DIDO1: variants seen among roughly 807,000 people sequenced by gnomAD.
The protein encoded by DIDO1 is death-inducer obliterator 1.
A neutral mutation model predicts 99.4 loss-of-function variants in DIDO1; 16 were observed. That is an observed-to-expected ratio of 0.16 (90% CI 0.11 to 0.24). The LOEUF is 0.24. Among genes scored for constraint, DIDO1 ranks in the 10% least tolerant of loss-of-function variants. The pLI is 1.00. For synonymous variants in DIDO1, 1,366 were observed against 1,239.1 expected, an observed-to-expected ratio of 1.10 and a Z score of -2.15; for missense variants, 2,996 against 3,014.0, an observed-to-expected ratio of 0.99 and a Z score of 0.14.
chr20:62,894,341 G>A lies in DIDO1; in HGVS notation c.2572+72C>T, dbSNP rs2147403712. On this transcript the variant is annotated intron_variant, in intron 11 of 15. Transcript: ENST00000395343. This position sits in a 1 kb window ranked among gnomAD's most constrained non-coding sequence, Gnocchi z 4.4. Reference sequence around the variant, plus strand: ...TAAGCTTACGTGCGGTTGCTTTTAGGAGGTTCAGTGATTTTTAACAAAATC... The same window carrying A: ...TAAGCTTACGTGCGGTTGCTTTTAGAAGGTTCAGTGATTTTTAACAAAATC... The A allele has an allele frequency of 6.3e-7, 1 of 1,591,796 alleles. No individual in the cohort carries two copies.
At chr20:62,887,209 A>T in intron 15 of DIDO1, 1 of 985,454 alleles carries the variant, frequency 1.0e-6, no homozygotes, top group Non-Finnish European at 1.2e-6. Flanking sequence ...ACAAACAAGG[A>T]CCAGTTTCCA....
chr20:62,892,179 T>C, intron 13 of DIDO1, 103 bp from the exon 14 acceptor site: 1 of 935,068 alleles, frequency 1.1e-6, no homozygotes, highest in Non-Finnish European at 1.6e-6. Context: ...TCAAGAAGAC[T>C]ACAGCTATTC....
At chr20:62,925,612 C>T (rs563901042) in intron 1 of DIDO1, among the ~76,000 whole-genome samples, 26 of 152,298 alleles carry the variant, frequency 1.7e-4, no homozygotes, top group South Asian at 8.3e-4. Context: ...AAACTCTAAA[C>T]TTATATATTA....
At chr20:62,924,472 A>G (rs188846002) in intron 1 of DIDO1, among the ~76,000 whole-genome samples, 111 of 152,348 alleles carry the variant, frequency 7.3e-4, no homozygotes, top group Non-Finnish European at 1.3e-3. Flanking sequence ...CACAGCTTAA[A>G]AATAAACACT....
Position 62,879,391 on chromosome 20 carries a change from G to C in DIDO1, c.6565C>G (p.Arg2189Gly). 1.3e-6 allele frequency: 2 copies of C among 1,544,318 alleles called. No homozygotes were observed. The highest frequency in any genetic ancestry group is 8.7e-7 in the Non-Finnish European group (1 of 1,147,686). ...CGCTCTCTGCTCCGGGACCGGTCCC[G>C]GTCGCGCCTCCGGTCTCGCTCGCGC... Reference protein sequence around the residue: ...RERERDRRRDRDRSRSRERDR... With the variant: ...RERERDRRRDGDRSRSRERDR... Residue 2189 changes from arginine to glycine, a missense_variant, in exon 16 of 16, where the codon CGG becomes GGG. Coordinates refer to ENST00000395343, the MANE Select transcript of DIDO1 (RefSeq NM_001193369.2). This position sits in a 1 kb window ranked among gnomAD's most constrained non-coding sequence, Gnocchi z 6.3.
chr20:62,893,640 G>A, intron 12 of DIDO1, 26 bp downstream of exon 12: 1 of 1,564,548 alleles, frequency 6.4e-7, no homozygotes, highest in African/African-American at 1.4e-5. Flanking sequence ...AGTTTGGCTT[G>A]TTCAGACCAC....
At chr20:62,904,652 G>C (rs1438313747) in intron 6 of DIDO1, among the ~76,000 whole-genome samples, 1 of 151,808 alleles carries the variant, frequency 6.6e-6, no homozygotes, top group East Asian at 1.9e-4. Flanking sequence ...ATGGTGGCAC[G>C]GGCCTGTAAT....
At chr20:62,912,040 A>T (rs1293886683) in intron 2 of DIDO1, among the ~76,000 whole-genome samples, 1 of 152,240 alleles carries the variant, frequency 6.6e-6, no homozygotes, top group African/African-American at 2.4e-5. Context: ...TGCTCTGACC[A>T]CAAGCACAGT....
At chr20:62,921,706 T>A (rs1272729488) in intron 1 of DIDO1, among the ~76,000 whole-genome samples, 1 of 150,284 alleles carries the variant, frequency 6.7e-6, no homozygotes, top group African/African-American at 2.5e-5. Flanking sequence ...TGATCACGGC[T>A]CACTGCAGCC....
rs1383518240 is a variant in DIDO1, at chr20:62,879,877, G to A, written c.6079C>T (p.Leu2027=). 6.3e-7 allele frequency: 1 copy of A among 1,591,294 alleles called. No homozygotes were observed. The highest frequency in any genetic ancestry group is 1.8e-5 in the Admixed American group (1 of 56,108). The change falls in exon 16 of 16, where the codon CTG becomes TTG. Residue 2027 remains leucine (L), a synonymous_variant. Transcript: ENST00000395343. The surrounding 1 kb of genome is among the most constrained non-coding windows in gnomAD (Gnocchi z 6.3). ...TGCGGGGGGTGGCTGGGAAGCTCCA[G>A]CAGGGGCCTGGGGCCCGGCTTCATC... ...QVMKPGPRPL[L]ELPSHPPQHR...
Position 62,893,692 on chromosome 20 carries a change from C to A in DIDO1, c.3075G>T (p.Leu1025=). 1 of 1,604,696 alleles carries A rather than the reference C, an allele frequency of 6.2e-7. No homozygotes were observed. The highest frequency in any genetic ancestry group is 8.5e-7 in the Non-Finnish European group (1 of 1,172,134). ...KPSSSPDPRY[L]SVPPSPNIST... ...TGATATTTGGTGACGGAGGAACTGA[C>A]AGGTATCTTGGGTCAGGAGATGAGG... The change falls in exon 12 of 16, where the codon CTG becomes CTT. Residue 1025 remains leucine, a synonymous_variant. Coordinates refer to ENST00000395343, the MANE Select transcript of DIDO1 (RefSeq NM_001193369.2).
chr20:62,888,863 G>A, intron 15 of DIDO1: 1 of 985,470 alleles, frequency 1.0e-6, no homozygotes, highest in Non-Finnish European at 1.2e-6. Context: ...ATGTCAACAA[G>A]GACATCAGGA....
Position 62,881,967 on chromosome 20 carries a change from G to A in DIDO1, c.3989C>T (p.Pro1330Leu), listed in dbSNP as rs138200370. Reference protein sequence around the residue: ...TLFGKKKSFDPSAREPPGSTA... With the variant: ...TLFGKKKSFDLSAREPPGSTA... ...GGACCCGGGAGGCTCTCTGGCGGAC[G>A]GGTCGAATGATTTCTTCTTTCCAAA... Residue 1330 changes from proline to leucine, a missense_variant, in exon 16 of 16, where the codon CCG (proline) becomes CTG (leucine). Transcript: ENST00000395343. The surrounding 1 kb of genome is among the most constrained non-coding windows in gnomAD (Gnocchi z 8.3). The A allele has an allele frequency of 3.1e-6, 5 of 1,613,390 alleles. No homozygotes were observed. The highest frequency in any genetic ancestry group is 2.2e-5 in the East Asian group (1 of 44,880).
rs539177693 is a variant in DIDO1 at position 62,914,325 on chromosome 20, T to G, written c.-118A>C. On this transcript the variant is annotated 5_prime_UTR_variant, in exon 2 of 16. Transcript: ENST00000395343. ...ACAGCCAGGCTCACAACAACACTGT[T>G]GTCAGCCACTGTTCACGAGTAACAG... 1 of 152,196 alleles carries G rather than the reference T, an allele frequency of 6.6e-6. No individual in the cohort carries two copies. Among genetic ancestry groups the G allele is most frequent in the Non-Finnish European group, 1.5e-5 (1 of 68,028 alleles). The allele number at this position is 152,196 out of a possible 1,614,324, so 9.4% of individuals were successfully genotyped here.
chr20:62,910,712 A>T, intron 3 of DIDO1, 62 bp downstream of exon 3: 1 of 1,545,174 alleles, frequency 6.5e-7, no homozygotes, highest in South Asian at 1.2e-5. Flanking sequence ...TTTAAAATGA[A>T]AACAAATGGA....
chr20:62,920,214 C>T (rs947289868), intron 1 of DIDO1, among the ~76,000 whole-genome samples: 5 of 152,096 alleles, frequency 3.3e-5, no homozygotes, highest in Admixed American at 2.6e-4. Flanking sequence ...GGGTGCGCTG[C>T]GGGAGGTCAT....
Position 62,909,720 on chromosome 20 carries a change from C to T in DIDO1, c.1140G>A (p.Lys380=), listed in dbSNP as rs1378437582. 1 of 1,613,640 alleles carries T rather than the reference C, an allele frequency of 6.2e-7. No homozygotes were observed. The highest frequency in any genetic ancestry group is 8.5e-7 in the Non-Finnish European group (1 of 1,179,556). The change falls in exon 4 of 16, where the codon AAG becomes AAA. Residue 380 remains lysine, a synonymous_variant. Transcript: ENST00000395343. ...TTACAGGCTGGAAGATCTTGAGTTTCTTCTTGCCACTTGGATTTGCAGCTT... is the reference window on the plus strand; with the variant it reads ...TTACAGGCTGGAAGATCTTGAGTTTTTTCTTGCCACTTGGATTTGCAGCTT... ...IEKAANPSGK[K]KLKIFQPVIE...
intron 8 of DIDO1, 58 bp from the exon 9 acceptor site, chr20:62,895,223 G>A (rs2064491858): frequency 1.3e-6 from 2 of 1,495,274 alleles, no homozygotes; most frequent in South Asian, 1.1e-5. Flanking sequence ...TCAATACAGA[G>A]AGCTTCTGGA....
chr20:62,928,255 C>T (rs1343212739), upstream of DIDO1, among the ~76,000 whole-genome samples: 1 of 152,116 alleles, frequency 6.6e-6, no homozygotes, highest in African/African-American at 2.4e-5. Context: ...AAAGAGTGGA[C>T]AAGGCGGCTC....
Sources: gnomAD v4.1 joint callset for allele counts (sites outside exome capture counted in the v4.1 genomes callset) on GRCh38, gnomAD v4.1.1 for gene constraint, Gnocchi (gnomAD v3.1) non-coding constraint, MANE v1.5 for transcripts, NCBI Gene and HGNC (gene_info 2026-07-23, HGNC 2026-07-21) for gene names.